Variants in PTPRR observed in about 807,000 individuals in gnomAD.
PTPRR encodes protein tyrosine phosphatase receptor type R.
Under a neutral mutation model 77.2 loss-of-function variants are expected in PTPRR, and 38 were observed. The observed-to-expected ratio is 0.49, with a 90% confidence interval of 0.38 to 0.65. The LOEUF is 0.65. Ranked by LOEUF, PTPRR falls within the 30% of genes least tolerant of loss-of-function variation. The pLI is 0.00. For missense variants in PTPRR, 744 were observed against 799.2 expected, an observed-to-expected ratio of 0.93 and a Z score of 0.83; for synonymous variants, 299 against 283.1, an observed-to-expected ratio of 1.06 and a Z score of -0.57.
intron 2 of PTPRR, among the ~76,000 whole-genome samples, chr12:70,840,238 G>A (rs1179200363): frequency 2.0e-5 from 3 of 152,096 alleles, no homozygotes; most frequent in East Asian, 1.9e-4. Context: ...ACAGGTTATC[G>A]TGTTTCTTGT....
chr12:70,750,838 T>A (rs1212030161), intron 5 of PTPRR, among the ~76,000 whole-genome samples: 2 of 151,750 alleles, frequency 1.3e-5, no homozygotes, highest in Non-Finnish European at 2.9e-5. Flanking sequence ...CAAGTGCTCC[T>A]CCCCGTCAGT....
At chr12:70,884,049 A>C (rs1353525522) in intron 2 of PTPRR, among the ~76,000 whole-genome samples, 1 of 152,190 alleles carries the variant, frequency 6.6e-6, no homozygotes, top group Non-Finnish European at 1.5e-5. Flanking sequence ...TCTGAACTCT[A>C]GACTCACATT....
intron 6 of PTPRR, among the ~76,000 whole-genome samples, chr12:70,731,121 G>GGAGAGAGAGGAAGGAAGGAGGAAA (rs1565671049): frequency 1.6e-5 from 1 of 64,120 alleles, no homozygotes; most frequent in Non-Finnish European, 3.9e-5. Flanking sequence ...GAAGGAGGAA[G>GGAGAGAGAGGAAGGAAGGAGGAAA]GAGAGAGAGA....
intron 4 of PTPRR, among the ~76,000 whole-genome samples, chr12:70,756,721 T>C (rs903589571): frequency 3.9e-5 from 6 of 152,208 alleles, no homozygotes; most frequent in African/African-American, 1.4e-4. Flanking sequence ...ATGGCTTCTC[T>C]ATATCCTGTT....
chr12:70,793,369 T>C (rs1891454656), intron 2 of PTPRR, among the ~76,000 whole-genome samples: 2 of 152,312 alleles, frequency 1.3e-5, no homozygotes, highest in South Asian at 4.1e-4. Context: ...AGATTAAACA[T>C]GGCTTTATCA....
Position 70,758,391 on chromosome 12 carries a change from T to C in PTPRR, c.627+3080A>G, listed in dbSNP as rs542296547. Among the ~76,000 whole-genome samples, 76 of 144,932 alleles carry C rather than the reference T, an allele frequency of 5.2e-4. No individual in the cohort carries two copies. The South Asian group carries it at 0.013, about 25-fold the overall frequency. On this transcript the variant is annotated intron_variant, in intron 4 of 13. Coordinates refer to ENST00000283228, the MANE Select transcript of PTPRR (RefSeq NM_002849.4). ...AGCCAGCTCTTTTTGTATAGGGAGC[T>C]TCTTTTGGTTTGCAAATCTGAGTGA...
intron 10 of PTPRR, among the ~76,000 whole-genome samples, chr12:70,681,813 GT>G (rs1164877115): frequency 3.3e-5 from 5 of 152,100 alleles, no homozygotes; most frequent in African/African-American, 2.4e-5. Context: ...GCATCAGAAA[GT>G]TTTTGCCTTC....
intron 13 of PTPRR, among the ~76,000 whole-genome samples, chr12:70,654,605 A>G (rs1444133434): frequency 2.6e-5 from 4 of 152,216 alleles, no homozygotes. Flanking sequence ...GCTGAAGCTC[A>G]AGGGAATCAA....
chr12:70,648,758 C>T (rs1441458427), intron 13 of PTPRR, among the ~76,000 whole-genome samples: 2 of 152,060 alleles, frequency 1.3e-5, no homozygotes, highest in Admixed American at 1.3e-4. Flanking sequence ...ATTGCCATAC[C>T]ACCCACTTCA....
intron 11 of PTPRR, 34 bp downstream of exon 11, chr12:70,662,461 T>C (rs747636625): frequency 7.7e-7 from 1 of 1,293,910 alleles, no homozygotes; most frequent in Non-Finnish European, 1.1e-6. Flanking sequence ...TAACATCATC[T>C]ACTTTGTAGA....
At position 70,771,455 on chromosome 12, in the gene PTPRR, G is replaced by C. The variant is rs113882316; in HGVS notation, c.358-6677C>G. The stretch of plus-strand genomic sequence containing the variant: ...TTAATGTGTGCTGTGCTCACTGCCT[G>C]GGTGATGGGATCATCTGCACTCTAA... On this transcript the variant is annotated intron_variant, in intron 2 of 13. Transcript: ENST00000283228. Among the ~76,000 whole-genome samples the C allele has an allele frequency of 7.5e-3, 1,136 of 152,130 alleles. 19 individuals are homozygous for C. The highest frequency in any genetic ancestry group is 0.026 in the African/African-American group (1,072 of 41,502).
At chr12:70,806,877 A>G (rs977475740) in intron 2 of PTPRR, among the ~76,000 whole-genome samples, 13 of 152,172 alleles carry the variant, frequency 8.5e-5, no homozygotes, top group South Asian at 2.1e-4. Context: ...ATGTGGGGAT[A>G]GTACTGGGAG....
At chr12:70,685,571 A>G (rs1486553993) in intron 8 of PTPRR, among the ~76,000 whole-genome samples, 1 of 151,540 alleles carries the variant, frequency 6.6e-6, no homozygotes, top group African/African-American at 2.4e-5. Flanking sequence ...AATTGCTTGA[A>G]CCCGAAAGGC....
At chr12:70,870,918 G>T (rs1038000919) in intron 2 of PTPRR, among the ~76,000 whole-genome samples, 1 of 152,188 alleles carries the variant, frequency 6.6e-6, no homozygotes, top group South Asian at 2.1e-4. Context: ...TCACAGACTT[G>T]TTCTTGAATA....
intron 13 of PTPRR, among the ~76,000 whole-genome samples, chr12:70,646,830 G>T (rs1002437158): frequency 6.6e-6 from 1 of 151,872 alleles, no homozygotes; most frequent in Admixed American, 6.6e-5. Context: ...CCAACAAGCA[G>T]AAACTTTAGT....
chr12:70,764,070 T>C (rs1890756188), intron 3 of PTPRR, among the ~76,000 whole-genome samples: 1 of 151,940 alleles, frequency 6.6e-6, no homozygotes, highest in South Asian at 2.1e-4. Flanking sequence ...CTCTTGGTTT[T>C]CCTGGACTAC....
chr12:70,708,211 T>G (rs1437191731), intron 6 of PTPRR, among the ~76,000 whole-genome samples: 1 of 152,150 alleles, frequency 6.6e-6, no homozygotes, highest in African/African-American at 2.4e-5. Flanking sequence ...GTTCTCCTGT[T>G]GTACCCAGTC....
chr12:70,746,047 T>C lies in PTPRR; in HGVS notation c.778A>G (p.Arg260Gly). The C allele has an allele frequency of 1.9e-6, 3 of 1,613,324 alleles. No individual in the cohort carries two copies. The highest frequency in any genetic ancestry group is 2.5e-6 in the Non-Finnish European group (3 of 1,179,346). ...TCCTGGTTTTTCTCTTTGTCTTGTCTTAAGGAAAGCTGAAATCTTTCTTTT... is the reference window on the plus strand; with the variant it reads ...TCCTGGTTTTTCTCTTTGTCTTGTCCTAAGGAAAGCTGAAATCTTTCTTTT... ...RLKERFQLSL[R>G]QDKEKNQEIH... Residue 260 changes from arginine (R) to glycine (G), a missense_variant, in exon 6 of 14, where the codon AGA becomes GGA. This residue lies in a region of PTPRR where 570 missense variants were observed against 573.2 expected (regional missense o/e 0.99). Coordinates refer to ENST00000283228, the MANE Select transcript of PTPRR (RefSeq NM_002849.4).
intron 2 of PTPRR, among the ~76,000 whole-genome samples, chr12:70,823,108 GACACACACACACACACACACACAC>G (rs58549756): frequency 3.6e-5 from 5 of 139,582 alleles, no homozygotes; most frequent in Non-Finnish European, 6.1e-5. Context: ...CTCTCTCTCT[GACACACACACACACACACACACAC>G]ACACACACAC....
Sources: allele counts gnomAD v4.1 joint callset (sites outside exome capture counted in the v4.1 genomes callset), GRCh38; gene constraint gnomAD v4.1.1; regional missense constraint gnomAD v4.1.1; transcripts MANE v1.5; gene names NCBI Gene and HGNC (gene_info 2026-07-23, HGNC 2026-07-21).